KRIT1: variants seen among roughly 807,000 people sequenced by gnomAD.
KRIT1 encodes the protein krev interaction trapped protein 1.
Under a neutral mutation model 95.8 loss-of-function variants are expected in KRIT1, and 45 were observed. The observed-to-expected ratio is 0.47, with a 90% confidence interval of 0.37 to 0.60. KRIT1 has a LOEUF of 0.60. KRIT1 is among the 20% of genes least tolerant of loss of function. The probability of loss-of-function intolerance (pLI) is 0.00; values close to 1 mark genes in which losing one functional copy is unlikely to be tolerated. For missense variants in KRIT1, 788 were observed against 877.5 expected (o/e 0.90, Z 1.29); for synonymous variants, 282 against 278.8 (o/e 1.01, Z -0.11).
intron 16 of KRIT1, 72 bp from the exon 17 acceptor site, chr7:92,213,473 G>C (rs1289003093): frequency 6.2e-6 from 6 of 960,962 alleles, no homozygotes; most frequent in Non-Finnish European, 9.8e-6. Context: ...AATCCAAATA[G>C]ATCAACTAAG....
Position 92,226,581 on chromosome 7 carries a change from C to A in KRIT1, c.1091G>T (p.Gly364Val). ...QLSSPLHFAA[G>V]GGHAEIVQIL... Reference sequence around the variant, plus strand: ...CTGTACTATTTCAGCATGTCCTCCTCCAGCAGCAAAATGAAGAGGAGAACT... The same window carrying A: ...CTGTACTATTTCAGCATGTCCTCCTACAGCAGCAAAATGAAGAGGAGAACT... Residue 364 changes from glycine (G) to valine (V), a missense_variant, in exon 11 of 19, where the codon GGA becomes GTA. Transcript: ENST00000394505. 2 of 1,613,106 alleles carry A rather than the reference C, an allele frequency of 1.2e-6. No homozygotes were observed. Among genetic ancestry groups the A allele is most frequent in the Non-Finnish European group, 1.7e-6 (2 of 1,179,278 alleles).
In KRIT1 at chr7:92,213,192, T is replaced by C. The variant is rs367615006; in HGVS notation, c.2025+3A>G. On this transcript the variant is annotated splice_donor_region_variant and intron_variant, in intron 17 of 18. Transcript: ENST00000394505. ...GATTGGTAAAAAAGAGCTGAAAATC[T>C]ACCTTAGTTTCCATGTTGAGGAGAT... 27 of 1,594,190 alleles carry C rather than the reference T, an allele frequency of 1.7e-5. No homozygotes were observed. In the Admixed American group the frequency reaches 1.8e-4, roughly 11 times the overall value.
intron 17 of KRIT1, among the ~76,000 whole-genome samples, chr7:92,208,379 TAAAAAAA>T (rs914360644): frequency 1.4e-5 from 2 of 142,202 alleles, no homozygotes; most frequent in Admixed American, 1.4e-4. Context: ...AAGAAAGACT[TAAAAAAA>T]AAGAAAAAAG....
Position 92,218,718 on chromosome 7 carries a change from TAGG to T in KRIT1, c.1563+3181_1563+3183del, listed in dbSNP as rs1246989861. Among the ~76,000 whole-genome samples the T allele has an allele frequency of 4.6e-5, 7 of 152,266 alleles. No individual in the cohort carries two copies. The East Asian group carries it at 1.2e-3, about 25-fold the overall frequency. On this transcript the variant is annotated intron_variant, in intron 14 of 18. Transcript: ENST00000394505. ...TGTTGGCCTTTTTATTGTTGAGTTGTAGGAGTTCTTTATATATTCTGGATAGTA... is the reference window on the plus strand; with the variant it reads ...TGTTGGCCTTTTTATTGTTGAGTTGTAGTTCTTTATATATTCTGGATAGTA...
At chr7:92,233,704 C>T (rs962794985) in intron 10 of KRIT1, among the ~76,000 whole-genome samples, 2 of 152,054 alleles carry the variant, frequency 1.3e-5, no homozygotes, top group Non-Finnish European at 2.9e-5. Flanking sequence ...TGCACCTGGC[C>T]GGTACCTCTT....
chr7:92,205,122 G>C lies in KRIT1; in HGVS notation c.2026-3699C>G, dbSNP rs558245287. 3.9e-5 allele frequency among the ~76,000 whole-genome samples: 6 copies of C among 152,210 alleles called. No homozygotes were observed. In the South Asian group the frequency reaches 1.2e-3, roughly 32 times the overall value. Reference sequence around the variant, plus strand: ...AGCACTTTGGGAGGGCGAGGCAGTCGGATCACCTGAGGTCAGGTGTTCGAG... The same window carrying C: ...AGCACTTTGGGAGGGCGAGGCAGTCCGATCACCTGAGGTCAGGTGTTCGAG... On this transcript the variant is annotated intron_variant, in intron 17 of 18. Coordinates refer to ENST00000394505, the MANE Select transcript of KRIT1 (RefSeq NM_194454.3).
rs185268493 is a variant in KRIT1 at position 92,225,743 on chromosome 7, A to G, written c.1231T>C (p.Leu411=). 6.3e-7 allele frequency: 1 copy of G among 1,595,046 alleles called. No individual in the cohort carries two copies. The highest frequency in any genetic ancestry group is 1.3e-5 in the African/African-American group (1 of 74,690). ...ACTGGTTTGTTAATTGCTTCCTTCA[A>G]CAATTTTGCAGCTTCTTCCCAGTTG... ...QNNWEEAAKL[L]KEAINKPYEK... The change falls in exon 12 of 19, where the codon TTG becomes CTG. Residue 411 remains leucine, a synonymous_variant. Transcript: ENST00000394505.
intron 17 of KRIT1, among the ~76,000 whole-genome samples, chr7:92,211,265 C>T (rs1318159786): frequency 6.6e-6 from 1 of 152,204 alleles, no homozygotes; most frequent in African/African-American, 2.4e-5. Context: ...GATATGGAAT[C>T]AACCTAAGTG....
intron 16 of KRIT1, 108 bp downstream of exon 16, chr7:92,213,784 T>A (rs1431034463): frequency 1.4e-6 from 1 of 730,584 alleles, no homozygotes; most frequent in East Asian, 2.6e-5. Context: ...GATACATTTT[T>A]AATTTCAGGA....
intron 10 of KRIT1, among the ~76,000 whole-genome samples, chr7:92,228,253 G>A (rs1000635953): frequency 7.9e-5 from 12 of 152,194 alleles, no homozygotes; most frequent in African/African-American, 2.7e-4. Flanking sequence ...TCTCAGAAGA[G>A]TACAATGCAT....
At chr7:92,209,608 ATAGC>A (rs1165390831) in intron 17 of KRIT1, among the ~76,000 whole-genome samples, 2 of 152,218 alleles carry the variant, frequency 1.3e-5, no homozygotes, top group African/African-American at 4.8e-5. Context: ...CTCATTTACT[ATAGC>A]TAGTAAAAAA....
chr7:92,240,931 T>C (rs1799481692), intron 5 of KRIT1, 62 bp downstream of exon 5: 1 of 1,314,316 alleles, frequency 7.6e-7, no homozygotes, highest in South Asian at 1.2e-5. Flanking sequence ...TGTATATTTT[T>C]AAAAGAATCT....
rs147437410 is a variant in KRIT1 at position 92,227,360 on chromosome 7, C to T, written c.990-678G>A. Among the ~76,000 whole-genome samples, 165 of 152,156 alleles carry T rather than the reference C, an allele frequency of 1.1e-3. 1 individual carries two copies. The Middle Eastern group carries it at 0.014, about 13-fold the overall frequency. ...CAGGCGGATCACAAGGTCAGGAGCT[C>T]GAGACCAGCCTAACCAACATGGTGA... On this transcript the variant is annotated intron_variant, in intron 10 of 18. Transcript: ENST00000394505.
rs535097367 is a variant in KRIT1 at position 92,244,057 on chromosome 7, A to G, written c.-58T>C. On this transcript the variant is annotated 5_prime_UTR_variant, in exon 3 of 19. Transcript: ENST00000394505. ...AAAAGGATGAGGCCTTTTTCTTCTCAGAATTTCTATTTAGCAATTACTTTT... is the reference window on the plus strand; with the variant it reads ...AAAAGGATGAGGCCTTTTTCTTCTCGGAATTTCTATTTAGCAATTACTTTT... 2 of 152,284 alleles carry G rather than the reference A, an allele frequency of 1.3e-5. No individual in the cohort carries two copies. Among genetic ancestry groups the G allele is most frequent in the African/African-American group, 4.8e-5 (2 of 41,576 alleles). 9.4% of individuals were successfully genotyped at this position (152,284 alleles called of 1,614,324 possible).
chr7:92,241,792 C>G (rs1273646758), intron 4 of KRIT1, among the ~76,000 whole-genome samples: 1 of 152,024 alleles, frequency 6.6e-6, no homozygotes, highest in Non-Finnish European at 1.5e-5. Flanking sequence ...TGTAAGAAAA[C>G]TGAAAGCTAT....
At chr7:92,227,732 G>A (rs375828349) in intron 10 of KRIT1, among the ~76,000 whole-genome samples, 4 of 151,746 alleles carry the variant, frequency 2.6e-5, no homozygotes, top group African/African-American at 2.4e-5. Context: ...ATGGGGTTTC[G>A]GCCAGGCGTG....
rs373306466 is a variant in KRIT1 at position 92,245,541 on chromosome 7, C to T, written c.-421+249G>A. 2.6e-5 allele frequency: 4 copies of T among 151,544 alleles called. 1 individual carries two copies. 9.4% of individuals were successfully genotyped at this position (151,544 alleles called of 1,614,324 possible). ...CACCGAGAGGTCCCACCCGTACGGG[C>T]TGCCGCGAGTGCCTCTCTGGCCGCT... On this transcript the variant is annotated intron_variant, in intron 1 of 18. Coordinates refer to ENST00000394505, the MANE Select transcript of KRIT1 (RefSeq NM_194454.3).
At chr7:92,235,313 T>C in intron 8 of KRIT1, 90 bp downstream of exon 8, 1 of 1,291,226 alleles carries the variant, frequency 7.7e-7, no homozygotes, top group South Asian at 1.2e-5. Context: ...ATGTTTATAA[T>C]TAGTAATAGA....
chr7:92,201,359 A>G lies in KRIT1; in HGVS notation c.2090T>C (p.Phe697Ser). The change falls in exon 18 of 19, where the codon TTT becomes TCT. Residue 697 changes from phenylalanine (F) to serine (S), a missense_variant. Phe to Ser is a radical substitution (Grantham distance 155). Around this residue, in one of 3 missense-constraint regions of KRIT1, gnomAD observed 493 missense variants for 582.3 expected, o/e 0.85. Coordinates refer to ENST00000394505, the MANE Select transcript of KRIT1 (RefSeq NM_194454.3). ...MWQLGDTDTC[F>S]QIHSMENKMS... ...TTTATTTTCCATGCTATGGATCTGA[A>G]AACAAGTATCAGTATCTCCCAATTG... 1 of 1,600,260 alleles carries G rather than the reference A, an allele frequency of 6.2e-7. No individual in the cohort carries two copies. Among genetic ancestry groups the G allele is most frequent in the Non-Finnish European group, 8.6e-7 (1 of 1,167,568 alleles).
Sources: allele counts gnomAD v4.1 joint callset (sites outside exome capture counted in the v4.1 genomes callset), GRCh38; gene constraint gnomAD v4.1.1; regional missense constraint gnomAD v4.1.1; transcripts MANE v1.5; gene names NCBI Gene and HGNC (gene_info 2026-07-23, HGNC 2026-07-21).